ENTREP1: variants seen among roughly 807,000 people sequenced by gnomAD.
The protein encoded by ENTREP1 is Friedreich ataxia region gene X123.
chr9:69,388,355 G>A, the ENTREP1 span: 1 of 1,614,188 alleles, frequency 6.2e-7, no homozygotes, highest in Non-Finnish European at 8.5e-7. Context: ...CATGACCCCA[G>A]ACATCCATGA....
the ENTREP1 span, among the ~76,000 whole-genome samples, chr9:69,367,741 AC>A: frequency 4.6e-5 from 3 of 64,570 alleles, no homozygotes; most frequent in African/African-American, 7.0e-5. Flanking sequence ...ATATATATAT[AC>A]ACATATATAA....
At chr9:69,372,786 T>A in the ENTREP1 span, among the ~76,000 whole-genome samples, 3 of 152,144 alleles carry the variant, frequency 2.0e-5, no homozygotes, top group Non-Finnish European at 4.4e-5. Flanking sequence ...ATTTAATATT[T>A]CCATCAACAG....
chr9:69,342,557 A>C, the ENTREP1 span, among the ~76,000 whole-genome samples: 15 of 152,256 alleles, frequency 9.9e-5, no homozygotes, highest in Admixed American at 3.9e-4. Flanking sequence ...CAGAGGCAGA[A>C]ATGACCAAGG....
the ENTREP1 span, chr9:69,383,723 A>G: frequency 2.5e-6 from 4 of 1,613,898 alleles, no homozygotes; most frequent in African/African-American, 1.3e-5. Context: ...CCCCGCCGCC[A>G]TATGAAGCTG....
chr9:69,335,498 G>C, the ENTREP1 span, among the ~76,000 whole-genome samples: 1 of 152,178 alleles, frequency 6.6e-6, no homozygotes, highest in Non-Finnish European at 1.5e-5. Context: ...GAGCCTGGTT[G>C]GCCTGAGGGA....
At chr9:69,367,789 AC>A in the ENTREP1 span, among the ~76,000 whole-genome samples, 1 of 88,674 alleles carries the variant, frequency 1.1e-5, no homozygotes, top group Non-Finnish European at 2.2e-5. Context: ...ATATATACAC[AC>A]ATATATATAA....
At chr9:69,340,679 ATGCATG>A in the ENTREP1 span, among the ~76,000 whole-genome samples, 1 of 39,470 alleles carries the variant, frequency 2.5e-5, no homozygotes, top group South Asian at 8.4e-4. Flanking sequence ...GTGTGTGTGC[ATGCATG>A]TGTGTGTGTA....
chr9:69,358,892 C>A, the ENTREP1 span, among the ~76,000 whole-genome samples: 3 of 130,464 alleles, frequency 2.3e-5, no homozygotes, highest in African/African-American at 8.5e-5. Flanking sequence ...TTTTCTTTTT[C>A]TTTTTCTTTC....
chr9:69,370,867 G>T, the ENTREP1 span, among the ~76,000 whole-genome samples: 1 of 152,114 alleles, frequency 6.6e-6, no homozygotes, highest in African/African-American at 2.4e-5. Context: ...AAGTTGAAAA[G>T]CCTGCATAAT....
chr9:69,369,263 G>A, the ENTREP1 span, among the ~76,000 whole-genome samples: 3 of 152,026 alleles, frequency 2.0e-5, no homozygotes, highest in Non-Finnish European at 4.4e-5. Context: ...CAAGTCTTTG[G>A]TATTGTGAAT....
chr9:69,327,926 C>T, the ENTREP1 span, among the ~76,000 whole-genome samples: 1,706 of 69,650 alleles, frequency 0.024, 30 homozygotes, highest in African/African-American at 0.065. Context: ...ATTTATAGAA[C>T]AATTAAATAC....
At chr9:69,388,093 C>A in the ENTREP1 span, 1 of 1,612,972 alleles carries the variant, frequency 6.2e-7, no homozygotes, top group Non-Finnish European at 8.5e-7. Flanking sequence ...TCTGTGCTTT[C>A]AGGTACAGGC....
At chr9:69,391,158 A>T in the ENTREP1 span, among the ~76,000 whole-genome samples, 2 of 152,144 alleles carry the variant, frequency 1.3e-5, no homozygotes, top group Admixed American at 6.5e-5. Context: ...TCTTGTTAAA[A>T]ATACAGATTC....
chr9:69,340,683 ATGTGTGTGTGTATG>A, the ENTREP1 span, among the ~76,000 whole-genome samples: 3 of 27,116 alleles, frequency 1.1e-4, no homozygotes, highest in African/African-American at 1.3e-4. Flanking sequence ...GTGTGCATGC[ATGTGTGTGTGTATG>A]TGTGTGTGTA....
At chr9:69,363,862 G>C in the ENTREP1 span, among the ~76,000 whole-genome samples, 1 of 152,224 alleles carries the variant, frequency 6.6e-6, no homozygotes, top group African/African-American at 2.4e-5. Context: ...GTGGAGAGAG[G>C]CTGTGGCAGG....
the ENTREP1 span, among the ~76,000 whole-genome samples, chr9:69,343,269 T>C: frequency 6.6e-6 from 1 of 152,212 alleles, no homozygotes; most frequent in Non-Finnish European, 1.5e-5. Context: ...TTTTTGTCTC[T>C]CATTTTCGCA....
chr9:69,327,098 T>G, the ENTREP1 span, among the ~76,000 whole-genome samples: 2 of 152,146 alleles, frequency 1.3e-5, no homozygotes, highest in Non-Finnish European at 2.9e-5. Context: ...TCCTTGAGAC[T>G]CGCCTGAAAT....
the ENTREP1 span, chr9:69,325,542 C>T: frequency 1.3e-5 from 15 of 1,150,470 alleles, no homozygotes; most frequent in African/African-American, 2.3e-4. Flanking sequence ...TCCCGCCGGG[C>T]AGTCGCCGCC....
the ENTREP1 span, among the ~76,000 whole-genome samples, chr9:69,348,098 A>G: frequency 0.046 from 6,921 of 152,092 alleles, 197 homozygotes; most frequent in African/African-American, 0.079. Flanking sequence ...AATCTCAGAG[A>G]TCATCTAGCT....
Sources: gnomAD v4.1 joint callset for allele counts (sites outside exome capture counted in the v4.1 genomes callset) on GRCh38, gnomAD v4.1.1 for gene constraint, MANE v1.5 for transcripts, NCBI Gene and HGNC (gene_info 2026-07-23, HGNC 2026-07-21) for gene names.